GBE1: variants seen among roughly 807,000 people sequenced by gnomAD.
GBE1 encodes 1,4-alpha-glucan branching enzyme 1.
Under a neutral mutation model 88.8 loss-of-function variants are expected in GBE1, and 70 were observed. The observed-to-expected ratio is 0.79, with a 90% CI of 0.65 to 0.96. The LOEUF is 0.96. Ranked by LOEUF, GBE1 falls within the 40% of genes least tolerant of loss-of-function variation. The pLI is 0.00. For synonymous variants in GBE1, 284 were observed against 300.1 expected, an observed-to-expected ratio of 0.95 and a Z score of 0.56; for missense variants, 872 against 871.0, an observed-to-expected ratio of 1.00 and a Z score of -0.01.
In GBE1 at chr3:81,600,091, G is replaced by C. The variant is rs139962089; in HGVS notation, c.993-6068C>G. ...GATCAAGATCATCCTGGCCAACATT[G>C]TGAAACCCCATATACAAAATTTATC... On this transcript the variant is annotated intron_variant, in intron 7 of 15. Transcript: ENST00000429644. Among the ~76,000 whole-genome samples the C allele has an allele frequency of 8.0e-3, 1,213 of 152,156 alleles. 35 individuals are homozygous for C. The highest frequency in any genetic ancestry group is 0.06 in the East Asian group (308 of 5,152).
intron 14 of GBE1, among the ~76,000 whole-genome samples, chr3:81,519,221 T>G (rs1435559590): frequency 1.3e-5 from 2 of 151,612 alleles, no homozygotes; most frequent in African/African-American, 4.8e-5. Context: ...GTGTACAGGT[T>G]GCAAATGTCA....
chr3:81,517,187 A>G lies in GBE1; in HGVS notation c.1935-17960T>C, dbSNP rs369401119. ...AAACTTCATTGTTGTCTTAGCCACC[A>G]CAACCTTTAGAAACCCCACCCTGAT... On this transcript the variant is annotated intron_variant, in intron 14 of 15. Transcript: ENST00000429644. 2.2e-4 allele frequency among the ~76,000 whole-genome samples: 33 copies of G among 151,646 alleles called. No individual in the cohort carries two copies. In the South Asian group the frequency reaches 6.4e-3, roughly 30 times the overall value.
chr3:81,537,247 G>C lies in GBE1; in HGVS notation c.1619-152C>G, dbSNP rs1703090469. Among the ~76,000 whole-genome samples the C allele has an allele frequency of 2.0e-5, 3 of 152,056 alleles. No homozygotes were observed. In the South Asian group the frequency reaches 6.2e-4, roughly 32 times the overall value. ...GTCCTGTGAATGATGTACAGGTGTA[G>C]CTCAAAAATAGCACGGTCTAGCACA... is the stretch of plus-strand genomic sequence containing the variant. On this transcript the variant is annotated intron_variant, in intron 12 of 15. Coordinates refer to ENST00000429644, the MANE Select transcript of GBE1 (RefSeq NM_000158.4).
chr3:81,689,621 G>T (rs1371305148), intron 2 of GBE1, among the ~76,000 whole-genome samples: 1 of 152,188 alleles, frequency 6.6e-6, no homozygotes, highest in East Asian at 1.9e-4. Flanking sequence ...GCAAGGCCCT[G>T]CGTTATCATC....
chr3:81,751,173 G>A (rs1371868577), intron 1 of GBE1, among the ~76,000 whole-genome samples: 2 of 152,052 alleles, frequency 1.3e-5, no homozygotes, highest in East Asian at 1.9e-4. Flanking sequence ...CATAACCAGC[G>A]GCTGGTAATA....
At position 81,761,400 on chromosome 3, in the gene GBE1, G is replaced by C. The variant is rs35196441; in HGVS notation, c.118C>G (p.Pro40Ala). ...RLLEIDPYLK[P>A]YAVDFQRRYK... is the part of the protein sequence containing the mutation. ...CTGCGCTGGAAGTCCACGGCGTAGG[G>C]CTTCAAGTACGGGTCGATCTCCAGG... The change falls in exon 1 of 16, where the codon CCC becomes GCC. Residue 40 changes from proline (P) to alanine (A), a missense_variant. By Grantham distance (27) the Pro-to-Ala change is conservative. Coordinates refer to ENST00000429644, the MANE Select transcript of GBE1 (RefSeq NM_000158.4). 1 of 1,612,952 alleles carries C rather than the reference G, an allele frequency of 6.2e-7. No individual in the cohort carries two copies. Among genetic ancestry groups the C allele is most frequent in the Non-Finnish European group, 8.5e-7 (1 of 1,179,272 alleles).
At position 81,750,539 on chromosome 3, in the gene GBE1, G is replaced by GTATATATATATATGTATATATATATGTA. The variant is rs71108342; in HGVS notation, c.143+10835_143+10836insTACATATATATATACATATATATATATA. On this transcript the variant is annotated intron_variant, in intron 1 of 15. Transcript: ENST00000429644. ...TCAAAACATTCATATATATATATAC[G>GTATATATATATATGTATATATATATGTA]TATATATATATGTATATATATATGT... Among the ~76,000 whole-genome samples, 13 of 66,408 alleles carry GTATATATATATATGTATATATATATGTA rather than the reference G, an allele frequency of 2.0e-4. 1 individual carries two copies. The highest frequency in any genetic ancestry group is 3.9e-4 in the African/African-American group (4 of 10,278). The allele number at this position is 66,408 out of a possible 152,430, so 43.6% of individuals were successfully genotyped here. A position where few individuals can be genotyped will look rare whatever the true frequency, so the allele number is the denominator to read the frequency against.
At chr3:81,728,878 G>A (rs191548605) in intron 1 of GBE1, among the ~76,000 whole-genome samples, 71 of 151,194 alleles carry the variant, frequency 4.7e-4, no homozygotes, top group Admixed American at 5.3e-4. Flanking sequence ...ATCAAGTATC[G>A]TCCATCTGCC....
intron 15 of GBE1, among the ~76,000 whole-genome samples, chr3:81,496,921 A>G (rs757000168): frequency 6.6e-6 from 1 of 152,180 alleles, no homozygotes; most frequent in Non-Finnish European, 1.5e-5. Flanking sequence ...TGCTGGGAAG[A>G]GAGAGCTAGC....
Position 81,591,170 on chromosome 3 carries a change from A to G in GBE1, c.1109-6T>C. On this transcript the variant is annotated splice_polypyrimidine_tract_variant and splice_region_variant and intron_variant, in intron 8 of 15. Transcript: ENST00000429644. Reference sequence around the variant, plus strand: ...ATCACCTGAGAAACCTTGACCTTAGAAAAAGAAAATCAATACGGATATATT... The same window carrying G: ...ATCACCTGAGAAACCTTGACCTTAGGAAAAGAAAATCAATACGGATATATT... The G allele has an allele frequency of 6.3e-7, 1 of 1,591,002 alleles. No individual in the cohort carries two copies. Among genetic ancestry groups the G allele is most frequent in the Non-Finnish European group, 8.6e-7 (1 of 1,166,590 alleles).
intron 12 of GBE1, among the ~76,000 whole-genome samples, chr3:81,554,256 A>C (rs1703317194): frequency 1.3e-5 from 2 of 152,232 alleles, no homozygotes; most frequent in South Asian, 2.1e-4. Flanking sequence ...AAAATAACTC[A>C]GAAAATAATT....
chr3:81,755,473 T>A (rs1706589704), intron 1 of GBE1, among the ~76,000 whole-genome samples: 1 of 152,198 alleles, frequency 6.6e-6, no homozygotes, highest in Admixed American at 6.5e-5. Flanking sequence ...CTACTGGGTA[T>A]ATATCCAAAA....
intron 7 of GBE1, among the ~76,000 whole-genome samples, chr3:81,613,515 A>G (rs1211897367): frequency 9.9e-5 from 15 of 151,998 alleles, no homozygotes; most frequent in Admixed American, 9.8e-4. Flanking sequence ...ATATACCAAC[A>G]TGTATCTGTC....
chr3:81,644,497 G>T (rs894133725), intron 6 of GBE1, among the ~76,000 whole-genome samples: 2 of 152,152 alleles, frequency 1.3e-5, no homozygotes, highest in Non-Finnish European at 2.9e-5. Flanking sequence ...ACTCTAACTG[G>T]AATGGTCAAG....
intron 1 of GBE1, among the ~76,000 whole-genome samples, chr3:81,750,608 T>C (rs1706500859): frequency 2.7e-5 from 2 of 73,502 alleles, no homozygotes; most frequent in Admixed American, 1.6e-4. Context: ...TATGTGTATA[T>C]ATATATATGT....
intron 6 of GBE1, among the ~76,000 whole-genome samples, chr3:81,646,097 C>G: frequency 6.6e-6 from 1 of 152,124 alleles, no homozygotes; most frequent in Non-Finnish European, 1.5e-5. Flanking sequence ...TAATGGCTTT[C>G]ATAGGAAAAG....
chr3:81,709,995 T>C (rs755843223), intron 1 of GBE1, among the ~76,000 whole-genome samples: 5 of 152,134 alleles, frequency 3.3e-5, no homozygotes, highest in Admixed American at 6.6e-5. Context: ...TAAAGAACTG[T>C]TATAAAAATT....
chr3:81,537,770 G>A (rs1703096600), intron 12 of GBE1, among the ~76,000 whole-genome samples: 1 of 151,872 alleles, frequency 6.6e-6, no homozygotes. Context: ...TTTACTACTA[G>A]AGTGTGTACC....
intron 1 of GBE1, among the ~76,000 whole-genome samples, chr3:81,710,017 C>T (rs901302824): frequency 3.3e-5 from 5 of 152,044 alleles, no homozygotes; most frequent in Non-Finnish European, 7.4e-5. Context: ...TCAGATGTGA[C>T]GTCTATATCA....
Sources: gnomAD v4.1 joint callset for allele counts (sites outside exome capture counted in the v4.1 genomes callset) on GRCh38, gnomAD v4.1.1 for gene constraint, MANE v1.5 for transcripts, NCBI Gene and HGNC (gene_info 2026-07-23, HGNC 2026-07-21) for gene names.